ZNF521: variants seen among roughly 807,000 people sequenced by gnomAD.
ZNF521 encodes the protein LYST-interacting protein 3.
In ZNF521, 14 loss-of-function variants were observed where a neutral mutation model predicts 105.5. The observed-to-expected ratio is 0.13, with a 90% CI of 0.09 to 0.21. ZNF521 has a LOEUF of 0.21. Ranked by LOEUF, ZNF521 falls within the 10% of genes least tolerant of loss-of-function variation. The pLI is 1.00. For synonymous variants in ZNF521, 635 were observed against 606.0 expected (o/e 1.05, Z -0.70); for missense variants, 1,233 against 1,629.7 (o/e 0.76, Z 4.19).
At chr18:25,286,888 A>C (rs1219632068) in intron 3 of ZNF521, among the ~76,000 whole-genome samples, 1 of 152,214 alleles carries the variant, frequency 6.6e-6, no homozygotes, top group Non-Finnish European at 1.5e-5. Context: ...AAATGAAAGC[A>C]CATACAAGGG....
intron 5 of ZNF521, among the ~76,000 whole-genome samples, chr18:25,108,009 C>A (rs1481931230): frequency 6.6e-6 from 1 of 152,222 alleles, no homozygotes; most frequent in Non-Finnish European, 1.5e-5. Flanking sequence ...ACTCACAAGG[C>A]TTGTGCCTTC....
intron 3 of ZNF521, among the ~76,000 whole-genome samples, chr18:25,272,561 A>C (rs1600240618): frequency 6.6e-6 from 1 of 152,168 alleles, no homozygotes. Context: ...GCATATATAC[A>C]CCACGGAATA....
At chr18:25,079,665 G>A (rs1555631885) in intron 7 of ZNF521, among the ~76,000 whole-genome samples, 1 of 141,636 alleles carries the variant, frequency 7.1e-6, no homozygotes, top group Non-Finnish European at 1.6e-5. Flanking sequence ...TGAGCGCACA[G>A]ATGGTGGGGG....
intron 3 of ZNF521, among the ~76,000 whole-genome samples, chr18:25,293,702 G>A (rs972129987): frequency 6.6e-6 from 1 of 151,994 alleles, no homozygotes; most frequent in Non-Finnish European, 1.5e-5. Context: ...GTATTGTATG[G>A]CTTTGTCTTG....
chr18:25,170,601 G>A (rs1465113999), intron 5 of ZNF521, among the ~76,000 whole-genome samples: 3 of 152,096 alleles, frequency 2.0e-5, no homozygotes, highest in Admixed American at 6.6e-5. Flanking sequence ...TAACACATGA[G>A]TTGTTAACTA....
At chr18:25,289,898 T>A (rs1359569523) in intron 3 of ZNF521, among the ~76,000 whole-genome samples, 1 of 152,226 alleles carries the variant, frequency 6.6e-6, no homozygotes, top group Non-Finnish European at 1.5e-5. Context: ...AAGAAAGTTT[T>A]TCACCCAGGC....
At chr18:25,265,512 C>G (rs1323394775) in intron 3 of ZNF521, among the ~76,000 whole-genome samples, 1 of 152,178 alleles carries the variant, frequency 6.6e-6, no homozygotes, top group Non-Finnish European at 1.5e-5. Flanking sequence ...TTTATTCAGA[C>G]ACCTAAGGAG....
At chr18:25,182,242 A>T (rs548540277) in intron 5 of ZNF521, among the ~76,000 whole-genome samples, 94 of 152,138 alleles carry the variant, frequency 6.2e-4, no homozygotes, top group Non-Finnish European at 1.3e-3. Context: ...TGAAGAGCAA[A>T]TTCTGGCAAA....
At chr18:25,137,312 G>T (rs1428932814) in intron 5 of ZNF521, among the ~76,000 whole-genome samples, 1 of 152,022 alleles carries the variant, frequency 6.6e-6, no homozygotes, top group Non-Finnish European at 1.5e-5. Flanking sequence ...GGTGGAGAAG[G>T]CTCCTTCAAA....
At chr18:25,299,860 C>T (rs180794530) in intron 3 of ZNF521, among the ~76,000 whole-genome samples, 74 of 152,310 alleles carry the variant, frequency 4.9e-4, no homozygotes, top group African/African-American at 1.6e-3. Flanking sequence ...ACTCTGATTT[C>T]GGTGGCAGAT....
chr18:25,100,022 C>G (rs1010475029), intron 5 of ZNF521, among the ~76,000 whole-genome samples: 3 of 152,124 alleles, frequency 2.0e-5, no homozygotes, highest in African/African-American at 7.2e-5. Context: ...CGGCACTCAT[C>G]AGGCATGTTT....
chr18:25,155,535 G>A (rs568938499), intron 5 of ZNF521, among the ~76,000 whole-genome samples: 129 of 152,200 alleles, frequency 8.5e-4, no homozygotes, highest in Non-Finnish European at 1.3e-3. Context: ...TTTCTTCTAG[G>A]AATTTTATGG....
intron 3 of ZNF521, among the ~76,000 whole-genome samples, chr18:25,277,013 C>T (rs7231023): frequency 0.25 from 38,104 of 151,862 alleles, 6,372 homozygotes; most frequent in African/African-American, 0.48. Flanking sequence ...TGAAACCTCA[C>T]CTCTACTAAA....
At chr18:25,212,565 A>ATATATATATATGTG (rs1227568202) in intron 4 of ZNF521, among the ~76,000 whole-genome samples, 1 of 112,878 alleles carries the variant, frequency 8.9e-6, no homozygotes, top group African/African-American at 3.6e-5. Context: ...ATATATATAT[A>ATATATATATATGTG]TGTATAGAAA....
intron 3 of ZNF521, among the ~76,000 whole-genome samples, chr18:25,295,640 T>A (rs1270321639): frequency 6.6e-6 from 1 of 152,146 alleles, no homozygotes; most frequent in East Asian, 1.9e-4. Flanking sequence ...TAAATATTTT[T>A]AAAATGATAA....
chr18:25,210,563 A>G (rs1296092728), intron 4 of ZNF521, among the ~76,000 whole-genome samples: 1 of 152,190 alleles, frequency 6.6e-6, no homozygotes, highest in African/African-American at 2.4e-5. Flanking sequence ...TATATCACAT[A>G]CTTACGAGGT....
chr18:25,322,466 T>C (rs555390155), intron 2 of ZNF521: 6 of 442,166 alleles, frequency 1.4e-5, no homozygotes, highest in African/African-American at 1.2e-4. Context: ...ACTTTACCAT[T>C]TTTTTCATAG....
intron 3 of ZNF521, among the ~76,000 whole-genome samples, chr18:25,261,816 T>C (rs1908930561): frequency 6.6e-6 from 1 of 152,132 alleles, no homozygotes; most frequent in South Asian, 2.1e-4. Flanking sequence ...AAGTCCTATA[T>C]ATTTAAGCAA....
chr18:25,308,890 T>C (rs1157775369), intron 3 of ZNF521, among the ~76,000 whole-genome samples: 1 of 152,082 alleles, frequency 6.6e-6, no homozygotes, highest in Non-Finnish European at 1.5e-5. Context: ...AACTTCACAT[T>C]TTATTAGGCC....
Sources: gnomAD v4.1 joint callset for allele counts (sites outside exome capture counted in the v4.1 genomes callset) on GRCh38, gnomAD v4.1.1 for gene constraint, MANE v1.5 for transcripts, NCBI Gene and HGNC (gene_info 2026-07-23, HGNC 2026-07-21) for gene names.